CNTLN: variants seen among roughly 807,000 people sequenced by gnomAD.
The protein encoded by CNTLN is centlein, centrosomal protein.
CNTLN carries 212 observed loss-of-function variants against 180.0 expected under a neutral mutation model. The observed-to-expected ratio is 1.18, with a 90% CI of 1.05 to 1.32. The LOEUF (loss-of-function observed/expected upper bound fraction) is 1.32, where lower values mean the gene tolerates loss of function less well. Among genes scored for constraint, CNTLN ranks in the 40% most tolerant of loss-of-function variants. The pLI, the probability that CNTLN is intolerant of heterozygous loss-of-function variation, is 0.00. For missense variants in CNTLN, 2,095 were observed against 1,610.9 expected (o/e 1.30, Z -5.14); for synonymous variants, 722 against 563.1 (o/e 1.28, Z -3.99).
Position 17,464,638 on chromosome 9 carries a change from C to A in CNTLN, c.3531+15C>A. On this transcript the variant is annotated intron_variant, in intron 21 of 25. Coordinates refer to ENST00000380647, the MANE Select transcript of CNTLN (RefSeq NM_017738.4). ...TTGATAAAAAGGTATCAATTTTTAT[C>A]TTTACTGACACTAAAAATATCACTT... 1 of 1,379,026 alleles carries A rather than the reference C, an allele frequency of 7.3e-7. No homozygotes were observed. Among genetic ancestry groups the A allele is most frequent in the Non-Finnish European group, 9.8e-7 (1 of 1,022,940 alleles). The allele number at this position is 1,379,026 out of a possible 1,614,324, so 85.4% of individuals were successfully genotyped here.
chr9:17,258,532 T>G lies in CNTLN; in HGVS notation c.850-15201T>G, dbSNP rs200808166. ...CTGTGAAGAAAGTCATTGGTAGATT[T>G]ATGGGGATGGCATTGAATCTGTAAA... On this transcript the variant is annotated intron_variant, in intron 5 of 25. Coordinates refer to ENST00000380647, the MANE Select transcript of CNTLN (RefSeq NM_017738.4). Among the ~76,000 whole-genome samples, 40 of 150,958 alleles carry G rather than the reference T, an allele frequency of 2.6e-4. No individual in the cohort carries two copies. The South Asian group carries it at 4.0e-3, about 15-fold the overall frequency.
chr9:17,178,371 C>T (rs1820869412), intron 2 of CNTLN, among the ~76,000 whole-genome samples: 1 of 152,226 alleles, frequency 6.6e-6, no homozygotes. Context: ...CGCACCCGGG[C>T]CGCAGGTGGA....
intron 2 of CNTLN, among the ~76,000 whole-genome samples, chr9:17,175,538 T>C (rs1563849479): frequency 6.6e-6 from 1 of 152,210 alleles, no homozygotes; most frequent in Non-Finnish European, 1.5e-5. Flanking sequence ...ACCATCTTGA[T>C]TACTATAGCT....
At chr9:17,345,677 A>G (rs1013030113) in intron 12 of CNTLN, among the ~76,000 whole-genome samples, 4 of 151,996 alleles carry the variant, frequency 2.6e-5, no homozygotes, top group African/African-American at 9.7e-5. Context: ...CTCCATTATA[A>G]TACAGTTATC....
In CNTLN at chr9:17,394,874, C is replaced by T. The variant is rs765949006; in HGVS notation, c.2420C>T (p.Ser807Phe). ...KSHQSADRAK[S>F]EMATMKVRSG... ...CACCAGTCAGCAGACAGAGCTAAAT[C>T]CGAGATGGCCACCATGAAAGTGAGA... The change falls in exon 15 of 26, where the codon TCC (serine) becomes TTC (phenylalanine). Residue 807 changes from serine to phenylalanine, a missense_variant. Transcript: ENST00000380647. 6.2e-7 allele frequency: 1 copy of T among 1,613,944 alleles called. No individual in the cohort carries two copies. Among genetic ancestry groups the T allele is most frequent in the East Asian group, 2.2e-5 (1 of 44,868 alleles).
intron 13 of CNTLN, among the ~76,000 whole-genome samples, chr9:17,379,386 C>T (rs1240314043): frequency 6.6e-6 from 1 of 150,382 alleles, no homozygotes; most frequent in East Asian, 2.0e-4. Context: ...TAGATCTCTC[C>T]TCTATGACAC....
chr9:17,144,769 T>C lies in CNTLN; in HGVS notation c.449+1393T>C, dbSNP rs187805293. Among the ~76,000 whole-genome samples the C allele has an allele frequency of 2.2e-3, 329 of 151,574 alleles. 1 individual carries two copies. The highest frequency in any genetic ancestry group is 7.8e-3 in the African/African-American group (322 of 41,496). Reference sequence around the variant, plus strand: ...GAGATTACTGCTTTATAACTATGACTGTCAAAATTTAGTGTGCACAAGTTA... The same window carrying C: ...GAGATTACTGCTTTATAACTATGACCGTCAAAATTTAGTGTGCACAAGTTA... On this transcript the variant is annotated intron_variant, in intron 2 of 25. Coordinates refer to ENST00000380647, the MANE Select transcript of CNTLN (RefSeq NM_017738.4).
At chr9:17,320,035 T>G (rs1473994245) in intron 8 of CNTLN, among the ~76,000 whole-genome samples, 1 of 152,216 alleles carries the variant, frequency 6.6e-6, no homozygotes, top group Non-Finnish European at 1.5e-5. Flanking sequence ...AATAATGTTT[T>G]TTGCCTTGGA....
chr9:17,409,268 T>C, intron 15 of CNTLN, 25 bp from the exon 16 acceptor site: 1 of 1,597,618 alleles, frequency 6.3e-7, no homozygotes, highest in Non-Finnish European at 8.5e-7. Context: ...TCTTGGATTT[T>C]ATGTCCCTAC....
chr9:17,328,358 C>CT (rs1820438546), intron 8 of CNTLN, among the ~76,000 whole-genome samples: 1 of 152,152 alleles, frequency 6.6e-6, no homozygotes, highest in Non-Finnish European at 1.5e-5. Flanking sequence ...TTTGGACACT[C>CT]TCCTTAGAAA....
intron 25 of CNTLN, among the ~76,000 whole-genome samples, chr9:17,500,898 C>G (rs1363871484): frequency 6.6e-6 from 1 of 152,172 alleles, no homozygotes; most frequent in African/African-American, 2.4e-5. Context: ...ATTTGTAAAA[C>G]TGGCATCTTT....
At chr9:17,167,197 A>T in intron 2 of CNTLN, 1 of 176,040 alleles carries the variant, frequency 5.7e-6, no homozygotes, top group Non-Finnish European at 1.2e-5. Flanking sequence ...TACATTAATT[A>T]ACACAACTAC....
intron 23 of CNTLN, among the ~76,000 whole-genome samples, chr9:17,476,786 A>C (rs1012580205): frequency 2.3e-4 from 35 of 152,222 alleles, no homozygotes; most frequent in African/African-American, 7.7e-4. Context: ...TAAGAATACA[A>C]GGTAAAGCAG....
rs771235871 is a variant in CNTLN, at chr9:17,394,667, C to G, written c.2213C>G (p.Thr738Ser). ...AAACAGCAACAAGAAGATACAGAGA[C>G]CAGAGAAAAAGAGCTAGAACAGATA... ...LLKQQQEDTE[T>S]REKELEQIIK... The change falls in exon 15 of 26, where the codon ACC becomes AGC. Residue 738 changes from threonine (T) to serine (S), a missense_variant. Thr to Ser is a moderately conservative substitution (Grantham distance 58). Coordinates refer to ENST00000380647, the MANE Select transcript of CNTLN (RefSeq NM_017738.4). 5.6e-6 allele frequency: 9 copies of G among 1,612,130 alleles called. No individual in the cohort carries two copies. The highest frequency in any genetic ancestry group is 7.6e-6 in the Non-Finnish European group (9 of 1,179,174).
At chr9:17,215,606 G>C (rs1351951289) in intron 2 of CNTLN, among the ~76,000 whole-genome samples, 1 of 152,206 alleles carries the variant, frequency 6.6e-6, no homozygotes, top group East Asian at 1.9e-4. Context: ...TAAGTCTGCA[G>C]AGATTTCTGC....
chr9:17,193,425 C>T (rs1315773037), intron 2 of CNTLN, among the ~76,000 whole-genome samples: 1 of 152,144 alleles, frequency 6.6e-6, no homozygotes, highest in African/African-American at 2.4e-5. Context: ...TATAGCCATT[C>T]CAAATGGGAG....
At chr9:17,333,996 G>A (rs570641723) in intron 10 of CNTLN, among the ~76,000 whole-genome samples, 4 of 152,108 alleles carry the variant, frequency 2.6e-5, no homozygotes, top group Non-Finnish European at 5.9e-5. Flanking sequence ...TAAATGTGTG[G>A]TTAGGCACAG....
At chr9:17,473,683 C>G (rs1564136138) in intron 23 of CNTLN, among the ~76,000 whole-genome samples, 1 of 151,934 alleles carries the variant, frequency 6.6e-6, no homozygotes. Flanking sequence ...TTTTATGTAG[C>G]AAAACACCTC....
In CNTLN at chr9:17,180,830, C is replaced by T. The variant is rs189738699; in HGVS notation, c.449+37454C>T. ...TCACTGGTTATATTATAGAATTGTG[C>T]GTTGATTCTTTTCTTTTCTTTCGGT... On this transcript the variant is annotated intron_variant, in intron 2 of 25. Coordinates refer to ENST00000380647, the MANE Select transcript of CNTLN (RefSeq NM_017738.4). Among the ~76,000 whole-genome samples, 773 of 152,122 alleles carry T rather than the reference C, an allele frequency of 5.1e-3. 5 individuals carry two copies. The highest frequency in any genetic ancestry group is 8.0e-3 in the Admixed American group (122 of 15,272).
Sources: gnomAD v4.1 joint callset for allele counts (sites outside exome capture counted in the v4.1 genomes callset) on GRCh38, gnomAD v4.1.1 for gene constraint, MANE v1.5 for transcripts, NCBI Gene and HGNC (gene_info 2026-07-23, HGNC 2026-07-21) for gene names.